The following DMD variants were observed in gnomAD, a reference collection of about 807,000 sequenced individuals.
DMD encodes the protein mutant dystrophin.
DMD carries 63 observed loss-of-function variants against 330.1 expected under a neutral mutation model. That is an observed-to-expected ratio of 0.19 (90% CI 0.16 to 0.24). DMD has a LOEUF of 0.24. Ranked by LOEUF, DMD falls within the 10% of genes least tolerant of loss-of-function variation. The pLI is 1.00. For synonymous variants in DMD, 1,223 were observed against 959.8 expected, an observed-to-expected ratio of 1.27 and a Z score of -5.07; for missense variants, 3,344 against 2,684.1, an observed-to-expected ratio of 1.25 and a Z score of -5.43.
At chrX:31,712,865 C>A (rs192454625) in intron 52 of DMD, among the ~76,000 whole-genome samples, 37 of 111,391 alleles carry the variant, frequency 3.3e-4, no homozygotes, top group African/African-American at 1.0e-3. Context: ...AAGTCCTGCT[C>A]CATATCGAGA....
At chrX:31,221,479 T>C (rs2046025890) in intron 64 of DMD, among the ~76,000 whole-genome samples, 1 of 112,464 alleles carries the variant, frequency 8.9e-6, no homozygotes, top group African/African-American at 3.2e-5. Context: ...GAGAGCTGCT[T>C]ACTCTTCTAG....
chrX:32,382,024 G>A (rs2097927960), intron 33 of DMD, among the ~76,000 whole-genome samples: 2 of 111,023 alleles, frequency 1.8e-5, no homozygotes, highest in Admixed American at 9.6e-5. Flanking sequence ...CGAGGGTAAA[G>A]GCAGACAACA....
intron 9 of DMD, among the ~76,000 whole-genome samples, chrX:32,655,444 GGT>G (rs1045759388): frequency 8.9e-6 from 1 of 112,067 alleles, no homozygotes; most frequent in Non-Finnish European, 1.9e-5. Flanking sequence ...GTAGTTGAGT[GGT>G]TTTGAGTGAG....
chrX:32,714,206 G>A (rs1445430293), intron 7 of DMD, among the ~76,000 whole-genome samples: 3 of 111,441 alleles, frequency 2.7e-5, no homozygotes, highest in Non-Finnish European at 5.7e-5. Context: ...GGGTACAAGT[G>A]CAATTTTGTT....
chrX:32,720,098 CTG>C (rs1380810134), intron 7 of DMD, among the ~76,000 whole-genome samples: 1 of 111,160 alleles, frequency 9.0e-6, no homozygotes, highest in African/African-American at 3.3e-5. Context: ...ATTTCTTTGA[CTG>C]TTTCTATCTG....
chrX:32,727,932 T>A (rs1392916788), intron 7 of DMD, among the ~76,000 whole-genome samples: 1 of 111,726 alleles, frequency 9.0e-6, no homozygotes, highest in Non-Finnish European at 1.9e-5. Context: ...CCATAGTTTA[T>A]AAAGGGCATT....
chrX:32,375,668 G>C (rs1445581795), intron 34 of DMD, among the ~76,000 whole-genome samples: 5 of 111,471 alleles, frequency 4.5e-5, no homozygotes, highest in Non-Finnish European at 7.5e-5. Context: ...TCCTCACAGA[G>C]ATAGCTCTTG....
At chrX:32,693,341 T>C (rs1195210853) in intron 9 of DMD, among the ~76,000 whole-genome samples, 2 of 112,131 alleles carry the variant, frequency 1.8e-5, no homozygotes, top group Non-Finnish European at 3.8e-5. Context: ...AGGTTTGTAG[T>C]TGTTGCATCA....
chrX:33,065,245 G>A (rs1603201256), intron 1 of DMD, among the ~76,000 whole-genome samples: 1 of 112,104 alleles, frequency 8.9e-6, no homozygotes, highest in African/African-American at 3.2e-5. Flanking sequence ...CACAATAGTG[G>A]ATATAAAAAT....
intron 45 of DMD, among the ~76,000 whole-genome samples, chrX:31,960,680 T>A (rs2095294537): frequency 8.9e-6 from 1 of 112,241 alleles, no homozygotes; most frequent in African/African-American, 3.2e-5. Context: ...CACAGTGGTA[T>A]CATCATTACC....
chrX:32,708,524 A>C (rs1044871327), intron 7 of DMD, among the ~76,000 whole-genome samples: 3 of 111,587 alleles, frequency 2.7e-5, no homozygotes, highest in Non-Finnish European at 3.8e-5. Context: ...GTAAATGCTC[A>C]ATATATACGA....
chrX:31,275,423 G>T (rs1016319304), intron 62 of DMD, among the ~76,000 whole-genome samples: 1 of 110,786 alleles, frequency 9.0e-6, no homozygotes, highest in Non-Finnish European at 1.9e-5. Context: ...TCCCCATTAG[G>T]ACATCAAAGC....
intron 2 of DMD, among the ~76,000 whole-genome samples, chrX:32,888,330 G>A (rs1455851973): frequency 3.6e-5 from 4 of 109,642 alleles, no homozygotes; most frequent in Non-Finnish European, 7.6e-5. Context: ...ACCCCCACAG[G>A]CTCCGGTCTG....
Position 32,950,734 on chromosome X carries a change from T to C in DMD, c.93+69405A>G, listed in dbSNP as rs150735464. Among the ~76,000 whole-genome samples, 380 of 111,535 alleles carry C rather than the reference T, an allele frequency of 3.4e-3. 1 individual carries two copies. The highest frequency in any genetic ancestry group is 5.1e-3 in the Non-Finnish European group (273 of 53,086). ...GAAAAAATGAACTTTCTTCTTTTTA[T>C]GAATTCAGAAGGACCGGAGACAGGT... On this transcript the variant is annotated intron_variant, in intron 2 of 78. Transcript: ENST00000357033.
chrX:31,987,141 A>G (rs780153314), intron 44 of DMD, among the ~76,000 whole-genome samples: 1 of 112,199 alleles, frequency 8.9e-6, no homozygotes, highest in Non-Finnish European at 1.9e-5. Context: ...AAAAATCACT[A>G]CTGAATTGTT....
intron 52 of DMD, among the ~76,000 whole-genome samples, chrX:31,712,098 C>G (rs1037274320): frequency 9.9e-5 from 11 of 111,312 alleles, no homozygotes; most frequent in African/African-American, 3.6e-4. Context: ...AACTGGAATT[C>G]TCTGAATAAT....
At chrX:32,293,541 G>A (rs1448185512) in intron 42 of DMD, among the ~76,000 whole-genome samples, 4 of 111,785 alleles carry the variant, frequency 3.6e-5, no homozygotes, top group African/African-American at 1.3e-4. Context: ...CAGCATGTTG[G>A]AAGTGGAAAA....
intron 44 of DMD, among the ~76,000 whole-genome samples, chrX:31,984,551 CCAAA>C (rs1261101800): frequency 8.9e-6 from 1 of 111,870 alleles, no homozygotes; most frequent in Non-Finnish European, 1.9e-5. Flanking sequence ...TGTTTGTTGT[CCAAA>C]CAAATATGTT....
At chrX:31,174,664 A>C (rs2040335370) in intron 71 of DMD, among the ~76,000 whole-genome samples, 1 of 111,713 alleles carries the variant, frequency 9.0e-6, no homozygotes, top group African/African-American at 3.2e-5. Flanking sequence ...GTGTCCAAGT[A>C]GCGTTGAAGG....
Sources: gnomAD v4.1 joint callset for allele counts (sites outside exome capture counted in the v4.1 genomes callset) on GRCh38, gnomAD v4.1.1 for gene constraint, MANE v1.5 for transcripts, NCBI Gene and HGNC (gene_info 2026-07-23, HGNC 2026-07-21) for gene names.